The following TAFA4 variants were observed in gnomAD, a reference collection of about 807,000 sequenced individuals.
TAFA4 encodes chemokine-like protein TAFA-4.
TAFA4 carries 20 observed loss-of-function variants against 21.1 expected under a neutral mutation model. That is an observed-to-expected ratio of 0.95 (90% CI 0.67 to 1.38). The LOEUF (loss-of-function observed/expected upper bound fraction) is 1.38, where lower values mean the gene tolerates loss of function less well. Among genes scored for constraint, TAFA4 ranks in the 40% most tolerant of loss-of-function variants. TAFA4 has a pLI of 0.00. For synonymous variants in TAFA4, 71 were observed against 67.4 expected (o/e 1.05, Z -0.26); for missense variants, 211 against 180.9 (o/e 1.17, Z -0.95).
At chr3:68,831,307 T>A (rs538109346) in intron 3 of TAFA4, among the ~76,000 whole-genome samples, 42 of 123,852 alleles carry the variant, frequency 3.4e-4, no homozygotes, top group African/African-American at 6.3e-4. Context: ...ATTTGGCATG[T>A]TTTTGCAGTG....
chr3:68,798,111 G>A (rs1352261978), intron 3 of TAFA4, among the ~76,000 whole-genome samples: 1 of 152,060 alleles, frequency 6.6e-6, no homozygotes, highest in Non-Finnish European at 1.5e-5. Context: ...AAACCTAGAC[G>A]ATCCTGTTTT....
rs554168346 is a variant in TAFA4 at position 68,849,012 on chromosome 3, C to T, written c.130+31718G>A. Among the ~76,000 whole-genome samples, 3 of 152,216 alleles carry T rather than the reference C, an allele frequency of 2.0e-5. No homozygotes were observed. In the South Asian group the frequency reaches 6.2e-4, roughly 32 times the overall value. On this transcript the variant is annotated intron_variant, in intron 3 of 5. Transcript: ENST00000295569. Reference sequence around the variant, plus strand: ...CTCCCTAAAATAAATAGATTTCCTACACCTAGCATGAGCTATCCTTCTAGA... The same window carrying T: ...CTCCCTAAAATAAATAGATTTCCTATACCTAGCATGAGCTATCCTTCTAGA...
intron 3 of TAFA4, among the ~76,000 whole-genome samples, chr3:68,771,532 C>A (rs778026572): frequency 2.0e-5 from 3 of 152,212 alleles, no homozygotes; most frequent in Non-Finnish European, 2.9e-5. Flanking sequence ...GGAACACTCC[C>A]ATCTCATTAC....
chr3:68,877,492 C>A (rs2089564377), intron 3 of TAFA4, among the ~76,000 whole-genome samples: 1 of 152,178 alleles, frequency 6.6e-6, no homozygotes, highest in African/African-American at 2.4e-5. Flanking sequence ...AAAGCTCAGA[C>A]CCTTCACAAT....
chr3:68,901,044 C>G (rs1013771536), intron 1 of TAFA4, among the ~76,000 whole-genome samples: 1 of 152,152 alleles, frequency 6.6e-6, no homozygotes, highest in Admixed American at 6.5e-5. Context: ...GAATGAGAAA[C>G]AGCTAATAAT....
chr3:68,860,426 C>G (rs1055414997), intron 3 of TAFA4, among the ~76,000 whole-genome samples: 1 of 152,114 alleles, frequency 6.6e-6, no homozygotes, highest in African/African-American at 2.4e-5. Context: ...TATCCACCCA[C>G]CAAGCTACTG....
chr3:68,803,383 G>C (rs894100551), intron 3 of TAFA4, among the ~76,000 whole-genome samples: 1 of 152,164 alleles, frequency 6.6e-6, no homozygotes, highest in African/African-American at 2.4e-5. Flanking sequence ...ACAAGAGTCC[G>C]ACATCCACTG....
At chr3:68,748,402 C>G (rs1310786080) in intron 4 of TAFA4, among the ~76,000 whole-genome samples, 1 of 152,226 alleles carries the variant, frequency 6.6e-6, no homozygotes, top group Non-Finnish European at 1.5e-5. Flanking sequence ...TGAAACTTGT[C>G]TGCAGTCCAC....
At chr3:68,849,234 C>A (rs778084779) in intron 3 of TAFA4, among the ~76,000 whole-genome samples, 1 of 152,108 alleles carries the variant, frequency 6.6e-6, no homozygotes, top group Non-Finnish European at 1.5e-5. Flanking sequence ...TATTTAAGAT[C>A]GACACAAATT....
chr3:68,846,543 C>T (rs1249638733), intron 3 of TAFA4, among the ~76,000 whole-genome samples: 1 of 152,044 alleles, frequency 6.6e-6, no homozygotes, highest in East Asian at 1.9e-4. Context: ...CATTCTCCAT[C>T]CAGTTTTGTT....
At chr3:68,754,029 G>C (rs1702613077) in intron 3 of TAFA4, among the ~76,000 whole-genome samples, 1 of 152,160 alleles carries the variant, frequency 6.6e-6, no homozygotes, top group Non-Finnish European at 1.5e-5. Flanking sequence ...CTTCACCCAG[G>C]TTCACCAGTT....
At chr3:68,795,072 T>G (rs1703430832) in intron 3 of TAFA4, among the ~76,000 whole-genome samples, 1 of 150,286 alleles carries the variant, frequency 6.7e-6, no homozygotes, top group Non-Finnish European at 1.5e-5. Flanking sequence ...ACACAGGGTC[T>G]GAGAGATAAA....
At chr3:68,826,066 G>C (rs1394046248) in intron 3 of TAFA4, among the ~76,000 whole-genome samples, 3 of 152,174 alleles carry the variant, frequency 2.0e-5, no homozygotes, top group Non-Finnish European at 4.4e-5. Context: ...AGGGAGGGTT[G>C]TTAAGCATTA....
At chr3:68,778,287 T>C (rs1303945780) in intron 3 of TAFA4, among the ~76,000 whole-genome samples, 1 of 152,198 alleles carries the variant, frequency 6.6e-6, no homozygotes, top group Non-Finnish European at 1.5e-5. Flanking sequence ...AAAAGAGGAT[T>C]ATTACTAGAA....
At chr3:68,863,257 A>G (rs2089373713) in intron 3 of TAFA4, among the ~76,000 whole-genome samples, 1 of 152,098 alleles carries the variant, frequency 6.6e-6, no homozygotes, top group Non-Finnish European at 1.5e-5. Flanking sequence ...AAAAAAAGAT[A>G]GAAAAATAAG....
intron 1 of TAFA4, among the ~76,000 whole-genome samples, chr3:68,921,683 C>G (rs9829895): frequency 2.5e-4 from 38 of 152,128 alleles, no homozygotes; most frequent in African/African-American, 7.7e-4. Flanking sequence ...TAACATCTGC[C>G]GAGTCTTAAC....
intron 3 of TAFA4, among the ~76,000 whole-genome samples, chr3:68,757,038 C>G (rs1267512112): frequency 3.3e-5 from 5 of 152,110 alleles, no homozygotes; most frequent in Non-Finnish European, 5.9e-5. Context: ...TTCACAGTTA[C>G]CTCTCAGGAA....
chr3:68,796,740 T>C (rs1703459887), intron 3 of TAFA4, among the ~76,000 whole-genome samples: 1 of 152,156 alleles, frequency 6.6e-6, no homozygotes, highest in Non-Finnish European at 1.5e-5. Context: ...ATGTCTCTGA[T>C]AAGAGGTTAA....
intron 3 of TAFA4, among the ~76,000 whole-genome samples, chr3:68,854,803 G>C (rs1408639320): frequency 6.6e-6 from 1 of 151,944 alleles, no homozygotes; most frequent in Non-Finnish European, 1.5e-5. Context: ...CCTTCACAGA[G>C]GTGTGCTTTC....
Sources: allele counts gnomAD v4.1 joint callset (sites outside exome capture counted in the v4.1 genomes callset), GRCh38; gene constraint gnomAD v4.1.1; transcripts MANE v1.5; gene names NCBI Gene and HGNC (gene_info 2026-07-23, HGNC 2026-07-21).